The following TFEC variants were observed in gnomAD, a reference collection of about 807,000 sequenced individuals.
The protein encoded by TFEC is class E basic helix-loop-helix protein 34.
A neutral mutation model predicts 41.6 loss-of-function variants in TFEC; 31 were observed. The observed-to-expected ratio is 0.74, with a 90% confidence interval of 0.56 to 1.01. TFEC has a LOEUF of 1.01. TFEC is among the 50% of genes least tolerant of loss of function. The pLI is 0.00. For synonymous variants in TFEC, 143 were observed against 140.6 expected (o/e 1.02, Z -0.12); for missense variants, 402 against 404.1 (o/e 0.99, Z 0.04).
intron 3 of TFEC, among the ~76,000 whole-genome samples, chr7:116,092,909 TC>T (rs1451392981): frequency 2.0e-5 from 3 of 152,090 alleles, no homozygotes; most frequent in African/African-American, 7.2e-5. Context: ...ACTAGACACT[TC>T]CATAGGCTCT....
Position 116,069,025 on chromosome 7 carries a change from GGT to G in TFEC, c.198+41681_198+41682del, listed in dbSNP as rs533026995. Among the ~76,000 whole-genome samples, 262 of 151,582 alleles carry G rather than the reference GGT, an allele frequency of 1.7e-3. 1 individual carries two copies. The highest frequency in any genetic ancestry group is 6.0e-3 in the African/African-American group (250 of 41,458). On this transcript the variant is annotated intron_variant, in intron 3 of 8. Coordinates refer to the TFEC transcript ENST00000484212. ...ATTCTTTAAGATTTGTCAAATTTAG[GGT>G]TTATAAACTCTACATTTCTTCATAC...
chr7:116,098,054 A>C (rs1008107046), intron 3 of TFEC, among the ~76,000 whole-genome samples: 2 of 152,260 alleles, frequency 1.3e-5, no homozygotes, highest in African/African-American at 4.8e-5. Context: ...GATAGAGATT[A>C]GCAAGGTGGA....
chr7:115,936,416 G>A lies in TFEC; in HGVS notation c.*4135C>T, dbSNP rs1269912272. The stretch of plus-strand genomic sequence containing the variant: ...TTAAGAAACCCAGATGGTTGATCTT[G>A]CGCTGATAACACAGTGAAATAATTA... On this transcript the variant is annotated 3_prime_UTR_variant, in exon 8 of 8. Transcript: ENST00000265440. 6.6e-6 allele frequency: 1 copy of A among 151,562 alleles called. No individual in the cohort carries two copies. The highest frequency in any genetic ancestry group is 1.5e-5 in the Non-Finnish European group (1 of 67,622). 9.4% of individuals were successfully genotyped at this position (151,562 alleles called of 1,614,324 possible).
chr7:116,149,826 C>A (rs1439865001), intron 1 of TFEC, among the ~76,000 whole-genome samples: 2 of 152,162 alleles, frequency 1.3e-5, no homozygotes, highest in South Asian at 4.1e-4. Context: ...TAATTTTCAG[C>A]CTTTTCTCCT....
In TFEC at chr7:115,944,013, ATTTTTTTTTTT is replaced by A. The variant is rs1160114562; in HGVS notation, c.516-1984_516-1974del. Among the ~76,000 whole-genome samples the A allele has an allele frequency of 5.3e-4, 12 of 22,840 alleles. 2 individuals carry two copies. The South Asian group carries it at 6.9e-3, about 13-fold the overall frequency. 15.0% of individuals were successfully genotyped at this position (22,840 alleles called of 152,430 possible). On this transcript the variant is annotated intron_variant, in intron 6 of 7. Transcript: ENST00000265440. ...GAAAATAATACTATGACAGGTCTGA[ATTTTTTTTTTT>A]TTTTTTTTTTTTTTTTGCTTCAACA...
chr7:116,005,734 C>G (rs1007580048), intron 1 of TFEC, among the ~76,000 whole-genome samples: 12 of 152,220 alleles, frequency 7.9e-5, no homozygotes, highest in African/African-American at 2.9e-4. Context: ...GAATGTTAAT[C>G]ACCAAGACGA....
At position 116,039,892 on chromosome 7, in the gene TFEC, TA is replaced by T. The variant is rs1795996644; in HGVS notation, c.199-55380del. Among the ~76,000 whole-genome samples the T allele has an allele frequency of 4.6e-5, 7 of 152,242 alleles. 1 individual carries two copies. In the South Asian group the frequency reaches 1.4e-3, roughly 32 times the overall value. On this transcript the variant is annotated intron_variant, in intron 3 of 8. Coordinates refer to the TFEC transcript ENST00000484212. ...GTTTGAATTTATAATTTTTGGTTGATATTTTTAACTGTGATGAAACTACAAT... is the reference window on the plus strand; with the variant it reads ...GTTTGAATTTATAATTTTTGGTTGATTTTTTAACTGTGATGAAACTACAAT...
intron 1 of TFEC, among the ~76,000 whole-genome samples, chr7:116,156,437 C>T (rs956157579): frequency 2.6e-5 from 4 of 152,020 alleles, no homozygotes; most frequent in Non-Finnish European, 5.9e-5. Context: ...TATAATCAAA[C>T]CACAATTAGC....
chr7:116,099,791 T>C (rs1171654075), intron 3 of TFEC, among the ~76,000 whole-genome samples: 1 of 152,206 alleles, frequency 6.6e-6, no homozygotes, highest in Non-Finnish European at 1.5e-5. Context: ...GTAGTTGGTA[T>C]TGCAACAATG....
chr7:116,018,442 C>A (rs1474974768), intron 1 of TFEC, among the ~76,000 whole-genome samples: 2 of 152,096 alleles, frequency 1.3e-5, no homozygotes, highest in Admixed American at 1.3e-4. Flanking sequence ...ACTTTATATG[C>A]ACAGGCTAAC....
chr7:115,995,611 CCTT>C (rs1429414822), intron 1 of TFEC, among the ~76,000 whole-genome samples: 1 of 152,180 alleles, frequency 6.6e-6, no homozygotes, highest in Non-Finnish European at 1.5e-5. Flanking sequence ...CATAAAAACA[CCTT>C]CATAATAACC....
rs1195525466 is a variant in TFEC at position 116,009,006 on chromosome 7, A to T, written c.-73+21627T>A. Among the ~76,000 whole-genome samples, 3 of 152,318 alleles carry T rather than the reference A, an allele frequency of 2.0e-5. No homozygotes were observed. In the East Asian group the frequency reaches 5.8e-4, roughly 29 times the overall value. On this transcript the variant is annotated intron_variant, in intron 1 of 7. Transcript: ENST00000265440. ...AAAAGACTAAAAAGACATGAGTATT[A>T]TTAAGCAGAGTTTTTCTAATTCAAT...
rs185096538 is a variant in TFEC at position 115,953,505 on chromosome 7, T to A, written c.439+1081A>T. ...ATACAGGACACCATGTTACTCTACA[T>A]TAAATGACTTGTTTAAGCTGCAGAC... is the stretch of plus-strand genomic sequence containing the variant. On this transcript the variant is annotated intron_variant, in intron 5 of 7. Coordinates refer to ENST00000265440, the MANE Select transcript of TFEC (RefSeq NM_012252.4). 2.8e-4 allele frequency among the ~76,000 whole-genome samples: 43 copies of A among 152,156 alleles called. 1 individual carries two copies. The South Asian group carries it at 7.7e-3, about 27-fold the overall frequency.
chr7:115,970,983 T>A (rs1179840975), intron 3 of TFEC, among the ~76,000 whole-genome samples: 1 of 152,090 alleles, frequency 6.6e-6, no homozygotes, highest in African/African-American at 2.4e-5. Context: ...ACAACCCATG[T>A]CATATAGTAG....
intron 1 of TFEC, among the ~76,000 whole-genome samples, chr7:116,022,982 G>T (rs1795455871): frequency 6.6e-6 from 1 of 151,790 alleles, no homozygotes; most frequent in South Asian, 2.1e-4. Flanking sequence ...TGGCAGAGCT[G>T]GTTTTAAAAT....
At position 115,941,769 on chromosome 7, in the gene TFEC, A is replaced by G. The variant is rs1793514795; in HGVS notation, c.663+124T>C. On this transcript the variant is annotated intron_variant, in intron 7 of 7. Coordinates refer to ENST00000265440, the MANE Select transcript of TFEC (RefSeq NM_012252.4). ...TCACGAACTTCTAAAAAGCAGTAAA[A>G]TTATCCTTCAAAAGGAAAAATAATT... 2.6e-5 allele frequency: 35 copies of G among 1,343,534 alleles called. No homozygotes were observed. The South Asian group carries it at 5.3e-4, about 20-fold the overall frequency. The allele number at this position is 1,343,534 out of a possible 1,614,324, so 83.2% of individuals were successfully genotyped here. A position where few individuals can be genotyped will look rare whatever the true frequency, so the allele number is the denominator to read the frequency against.
intron 1 of TFEC, among the ~76,000 whole-genome samples, chr7:116,001,586 G>T (rs1047105617): frequency 5.9e-5 from 9 of 151,606 alleles, no homozygotes; most frequent in Non-Finnish European, 1.0e-4. Context: ...CATTGGACTG[G>T]GCAGTTATTT....
chr7:116,039,972 C>T (rs1370682018), intron 3 of TFEC, among the ~76,000 whole-genome samples: 1 of 152,020 alleles, frequency 6.6e-6, no homozygotes, highest in African/African-American at 2.4e-5. Context: ...TTCCCTTGTT[C>T]CTCAAGTAAG....
At chr7:115,991,265 A>C (rs914079539) in intron 1 of TFEC, among the ~76,000 whole-genome samples, 4 of 152,254 alleles carry the variant, frequency 2.6e-5, no homozygotes, top group African/African-American at 9.6e-5. Context: ...AAGCCACTGC[A>C]AGAACATGCC....
Sources: gnomAD v4.1 joint callset for allele counts (sites outside exome capture counted in the v4.1 genomes callset) on GRCh38, gnomAD v4.1.1 for gene constraint, MANE v1.5 for transcripts, NCBI Gene and HGNC (gene_info 2026-07-23, HGNC 2026-07-21) for gene names.